The following NDUFV2 variants were observed in gnomAD, a reference collection of about 807,000 sequenced individuals.
NDUFV2 encodes NADH:ubiquinone oxidoreductase core subunit V2.
In NDUFV2, 18 loss-of-function variants were observed where a neutral mutation model predicts 31.6. The ratio of observed to expected loss-of-function variants is 0.57; its 90% CI spans 0.39 to 0.84. The LOEUF (loss-of-function observed/expected upper bound fraction) is 0.84. NDUFV2 is among the 40% of genes least tolerant of loss of function. The pLI is 0.00. For synonymous variants in NDUFV2, 83 were observed against 99.8 expected, an observed-to-expected ratio of 0.83 and a Z score of 1.01; for missense variants, 314 against 303.6, an observed-to-expected ratio of 1.03 and a Z score of -0.26.
chr18:9,104,686 C>G lies in NDUFV2; in HGVS notation c.54+1889C>G, dbSNP rs968986249. ...TCCCTCCCTCCTTCCTTCCTTCTCT[C>G]TCTCCATCCGTCTCCCCTTCTCCCT... On this transcript the variant is annotated intron_variant, in intron 1 of 7. Transcript: ENST00000318388. Among the ~76,000 whole-genome samples the G allele has an allele frequency of 1.4e-4, 22 of 152,134 alleles. No homozygotes were observed. The East Asian group carries it at 4.3e-3, about 29-fold the overall frequency.
At chr18:9,127,426 T>C (rs1209463602) in intron 7 of NDUFV2, among the ~76,000 whole-genome samples, 4 of 152,208 alleles carry the variant, frequency 2.6e-5, no homozygotes, top group Non-Finnish European at 5.9e-5. Flanking sequence ...TTTAATGCTT[T>C]AATGTGATGC....
chr18:9,104,911 C>G, intron 1 of NDUFV2: 1 of 1,484,688 alleles, frequency 6.7e-7, no homozygotes, highest in South Asian at 1.3e-5. Context: ...TGGAAATTAC[C>G]ATTGTTAACA....
chr18:9,113,583 CA>C (rs111667284), intron 1 of NDUFV2, among the ~76,000 whole-genome samples: 2 of 151,962 alleles, frequency 1.3e-5, no homozygotes, highest in South Asian at 2.1e-4. Flanking sequence ...TTTCTGCCTC[CA>C]AAAAAAGAAG....
chr18:9,124,335 C>G (rs1315562922), intron 5 of NDUFV2, among the ~76,000 whole-genome samples: 1 of 151,518 alleles, frequency 6.6e-6, no homozygotes, highest in African/African-American at 2.4e-5. Flanking sequence ...GTTGCCCAGA[C>G]TGGTCTCAAA....
intron 6 of NDUFV2, among the ~76,000 whole-genome samples, chr18:9,126,375 A>G (rs2077990887): frequency 6.6e-6 from 1 of 152,204 alleles, no homozygotes; most frequent in Non-Finnish European, 1.5e-5. Flanking sequence ...GTTTACAAAT[A>G]AACAAACAAA....
At chr18:9,107,304 C>T (rs2077846885) in intron 1 of NDUFV2, among the ~76,000 whole-genome samples, 1 of 152,166 alleles carries the variant, frequency 6.6e-6, no homozygotes, top group African/African-American at 2.4e-5. Context: ...TGTTTAGTAC[C>T]TTAGTGCTCA....
At position 9,102,713 on chromosome 18, in the gene NDUFV2, C is replaced by T. The variant is rs372989738; in HGVS notation, c.-31C>T. 18 of 1,571,938 alleles carry T rather than the reference C, an allele frequency of 1.1e-5. No homozygotes were observed. Among genetic ancestry groups the T allele is most frequent in the Non-Finnish European group, 1.5e-5 (17 of 1,161,748 alleles). On this transcript the variant is annotated 5_prime_UTR_variant, in exon 1 of 8. Coordinates refer to ENST00000318388, the MANE Select transcript of NDUFV2 (RefSeq NM_021074.5). ...GCGCGCTCGGGATTCTCGCCTGGCG[C>T]GGCTGGGGAAGGTGAACAGTGTGGC...
chr18:9,122,390 C>T (rs2077945163), intron 4 of NDUFV2, 123 bp from the exon 5 acceptor site: 1 of 869,508 alleles, frequency 1.2e-6, no homozygotes, highest in African/African-American at 1.7e-5. Flanking sequence ...GTTTTCTGCT[C>T]TTGAAGAACT....
At chr18:9,130,961 C>T (rs1268714571) in intron 7 of NDUFV2, among the ~76,000 whole-genome samples, 3 of 152,138 alleles carry the variant, frequency 2.0e-5, no homozygotes, top group Admixed American at 6.5e-5. Flanking sequence ...ACACCATGGG[C>T]GTTAGGGACA....
At chr18:9,125,321 C>G (rs1202153663) in intron 6 of NDUFV2, among the ~76,000 whole-genome samples, 3 of 152,114 alleles carry the variant, frequency 2.0e-5, no homozygotes, top group African/African-American at 7.2e-5. Flanking sequence ...TAGAAATAAG[C>G]TACAGATACA....
chr18:9,118,815 GTTTTTT>G (rs71168030), intron 2 of NDUFV2, among the ~76,000 whole-genome samples: 1 of 76,762 alleles, frequency 1.3e-5, no homozygotes, highest in African/African-American at 5.0e-5. Context: ...AGATGGTGCT[GTTTTTT>G]TTTTTTTTTT....
At chr18:9,112,863 G>A (rs1351431202) in intron 1 of NDUFV2, 1 of 152,116 alleles carries the variant, frequency 6.6e-6, no homozygotes, top group Non-Finnish European at 1.5e-5. Context: ...ACATATTATA[G>A]TATATATACA....
chr18:9,119,031 C>T (rs2077915426), intron 2 of NDUFV2, among the ~76,000 whole-genome samples: 1 of 152,076 alleles, frequency 6.6e-6, no homozygotes, highest in East Asian at 1.9e-4. Flanking sequence ...AGATCTTACT[C>T]TCTAATGAAG....
intron 5 of NDUFV2, 42 bp from the exon 6 acceptor site, chr18:9,124,832 A>G (rs2077974323): frequency 6.4e-7 from 1 of 1,561,272 alleles, no homozygotes; most frequent in South Asian, 1.2e-5. Flanking sequence ...AATGACTATT[A>G]AAATATAACC....
intron 4 of NDUFV2, among the ~76,000 whole-genome samples, chr18:9,119,826 GT>G (rs993181743): frequency 6.4e-4 from 92 of 144,698 alleles, no homozygotes; most frequent in South Asian, 4.3e-3. Flanking sequence ...GAGGGTATGT[GT>G]TTTTTTTTTT....
intron 6 of NDUFV2, among the ~76,000 whole-genome samples, chr18:9,125,388 T>TTATCATAAATTGTGTCTA (rs2077980280): frequency 6.6e-6 from 1 of 152,126 alleles, no homozygotes; most frequent in Admixed American, 6.5e-5. Flanking sequence ...GAGATAACCA[T>TTATCATAAATTGTGTCTA]TATCATAAAT....
At chr18:9,103,447 T>G (rs551926076) in intron 1 of NDUFV2, 321 of 273,876 alleles carry the variant, frequency 1.2e-3, no homozygotes, top group Non-Finnish European at 1.7e-3. Context: ...GGCAAGGAAA[T>G]TGAATTGCAG....
chr18:9,104,293 T>C, intron 1 of NDUFV2: 2 of 1,610,798 alleles, frequency 1.2e-6, no homozygotes, highest in African/African-American at 1.3e-5. Context: ...TGGCGTGCCA[T>C]ACTAAAGAAT....
At chr18:9,133,803 G>T (rs746411255) in intron 7 of NDUFV2, among the ~76,000 whole-genome samples, 1 of 152,126 alleles carries the variant, frequency 6.6e-6, no homozygotes, top group Non-Finnish European at 1.5e-5. Flanking sequence ...TATTTTTGCC[G>T]TAGTTCTTTG....
Sources: allele counts gnomAD v4.1 joint callset (sites outside exome capture counted in the v4.1 genomes callset), GRCh38; gene constraint gnomAD v4.1.1; transcripts MANE v1.5; gene names NCBI Gene and HGNC (gene_info 2026-07-23, HGNC 2026-07-21).